The following GSG1L variants were observed in gnomAD, a reference collection of about 807,000 sequenced individuals.
GSG1L encodes GSG1 like.
In GSG1L, 24 loss-of-function variants were observed where a neutral mutation model predicts 42.1. The observed-to-expected ratio is 0.57, with a 90% CI of 0.41 to 0.80. The LOEUF is 0.80. Among genes scored for constraint, GSG1L ranks in the 30% least tolerant of loss-of-function variants. GSG1L has a pLI of 0.00. For missense variants in GSG1L, 445 were observed against 472.2 expected, an observed-to-expected ratio of 0.94 and a Z score of 0.53; for synonymous variants, 215 against 203.5, an observed-to-expected ratio of 1.06 and a Z score of -0.48.
chr16:27,964,415 T>A (rs2085106367), intron 1 of GSG1L, among the ~76,000 whole-genome samples: 1 of 152,210 alleles, frequency 6.6e-6, no homozygotes, highest in South Asian at 2.1e-4. Context: ...AGCCCCTTCC[T>A]AAATAAAAAT....
At chr16:27,801,766 G>A (rs896281923) in intron 6 of GSG1L, among the ~76,000 whole-genome samples, 1 of 152,144 alleles carries the variant, frequency 6.6e-6, no homozygotes, top group Non-Finnish European at 1.5e-5. Flanking sequence ...AGGTCAGACC[G>A]GCCGGGTTCA....
At chr16:28,023,330 A>G (rs1242237347) in intron 1 of GSG1L, among the ~76,000 whole-genome samples, 4 of 152,210 alleles carry the variant, frequency 2.6e-5, no homozygotes, top group Non-Finnish European at 5.9e-5. Flanking sequence ...AGCACATTCT[A>G]TAGAATGAAT....
chr16:27,833,657 A>T (rs2083294169), intron 4 of GSG1L, among the ~76,000 whole-genome samples: 1 of 152,076 alleles, frequency 6.6e-6, no homozygotes. Context: ...TCAGCGTACA[A>T]GTCCTGTAAG....
chr16:27,849,508 G>T (rs1363484745), intron 3 of GSG1L, among the ~76,000 whole-genome samples: 1 of 152,074 alleles, frequency 6.6e-6, no homozygotes, highest in Non-Finnish European at 1.5e-5. Context: ...GGTGTTGCTG[G>T]CAGCTCTGAG....
intron 1 of GSG1L, among the ~76,000 whole-genome samples, chr16:27,984,904 C>T (rs551109585): frequency 7.2e-5 from 11 of 152,016 alleles, no homozygotes; most frequent in South Asian, 2.1e-4. Flanking sequence ...ATTACAGGCG[C>T]GAGCCACCAC....
chr16:27,928,631 T>C (rs1165787569), intron 2 of GSG1L, among the ~76,000 whole-genome samples: 2 of 152,258 alleles, frequency 1.3e-5, no homozygotes, highest in African/African-American at 4.8e-5. Flanking sequence ...GGCTGCTTCC[T>C]GCTGACATTT....
At chr16:27,959,060 G>C (rs1260146936) in intron 2 of GSG1L, among the ~76,000 whole-genome samples, 1 of 152,084 alleles carries the variant, frequency 6.6e-6, no homozygotes, top group East Asian at 1.9e-4. Flanking sequence ...CATGGTTCCT[G>C]GCAAACAGCT....
chr16:28,051,509 G>GAAA (rs76931460), intron 1 of GSG1L, among the ~76,000 whole-genome samples: 4 of 130,636 alleles, frequency 3.1e-5, no homozygotes, highest in African/African-American at 2.9e-5. Flanking sequence ...GAAGTGTTAC[G>GAAA]AAAAAAAAAA....
At chr16:27,937,964 C>T (rs1329001593) in intron 2 of GSG1L, among the ~76,000 whole-genome samples, 1 of 152,148 alleles carries the variant, frequency 6.6e-6, no homozygotes, top group East Asian at 1.9e-4. Flanking sequence ...GTCTGCCCCA[C>T]CTCCTAGCTC....
intron 1 of GSG1L, among the ~76,000 whole-genome samples, chr16:28,017,467 GGA>G (rs1270558331): frequency 1.3e-5 from 2 of 152,216 alleles, no homozygotes; most frequent in Admixed American, 6.5e-5. Context: ...TCCATTCAAA[GGA>G]ATCCGTGCCA....
At chr16:27,968,356 C>T (rs934810835) in intron 1 of GSG1L, among the ~76,000 whole-genome samples, 3 of 152,080 alleles carry the variant, frequency 2.0e-5, no homozygotes, top group Non-Finnish European at 4.4e-5. Flanking sequence ...TTCAAGTGAT[C>T]CTCCTGCCTC....
intron 1 of GSG1L, among the ~76,000 whole-genome samples, chr16:28,030,518 AGATACT>A (rs1025126344): frequency 6.6e-6 from 1 of 152,210 alleles, no homozygotes; most frequent in African/African-American, 2.4e-5. Context: ...AAGTTGAGAG[AGATACT>A]GAAACCAGTT....
chr16:28,004,231 G>A (rs897262039), intron 1 of GSG1L, among the ~76,000 whole-genome samples: 3 of 152,170 alleles, frequency 2.0e-5, no homozygotes, highest in Non-Finnish European at 2.9e-5. Flanking sequence ...CTCCCTTGCC[G>A]CCAAGGCCCC....
chr16:27,811,519 C>G (rs539692870), intron 5 of GSG1L, among the ~76,000 whole-genome samples: 1 of 152,208 alleles, frequency 6.6e-6, no homozygotes, highest in Non-Finnish European at 1.5e-5. Flanking sequence ...CTGGCCACAT[C>G]CAGCACCTCT....
intron 2 of GSG1L, among the ~76,000 whole-genome samples, chr16:27,938,132 GCCCCT>G (rs1364100683): frequency 6.6e-6 from 1 of 152,132 alleles, no homozygotes; most frequent in East Asian, 1.9e-4. Flanking sequence ...GCAGAGAGGC[GCCCCT>G]TGGGGCTGTG....
chr16:27,870,796 C>T (rs2083810652), intron 3 of GSG1L, among the ~76,000 whole-genome samples: 1 of 151,512 alleles, frequency 6.6e-6, no homozygotes, highest in South Asian at 2.1e-4. Flanking sequence ...AGTTTGTGGA[C>T]CATCAAGTCC....
intron 2 of GSG1L, among the ~76,000 whole-genome samples, chr16:27,894,989 T>A (rs571431528): frequency 2.0e-5 from 3 of 152,234 alleles, no homozygotes; most frequent in South Asian, 2.1e-4. Flanking sequence ...GTGGCTCCAC[T>A]GTACATCAGC....
chr16:27,964,129 A>C (rs2085102482), intron 1 of GSG1L, among the ~76,000 whole-genome samples: 1 of 152,166 alleles, frequency 6.6e-6, no homozygotes, highest in Non-Finnish European at 1.5e-5. Context: ...CAAGAGATGG[A>C]GACCATCCTG....
At chr16:27,991,595 A>G (rs2085457055) in intron 1 of GSG1L, among the ~76,000 whole-genome samples, 1 of 151,784 alleles carries the variant, frequency 6.6e-6, no homozygotes, top group African/African-American at 2.4e-5. Context: ...AGTAGACACG[A>G]GGTTTCGCCA....
Sources: gnomAD v4.1 joint callset for allele counts (sites outside exome capture counted in the v4.1 genomes callset) on GRCh38, gnomAD v4.1.1 for gene constraint, MANE v1.5 for transcripts, NCBI Gene and HGNC (gene_info 2026-07-23, HGNC 2026-07-21) for gene names.